ZNF75D: variants seen among roughly 807,000 people sequenced by gnomAD.
ZNF75D encodes the protein zinc finger protein 75D, also known as zinc finger protein 75.
Under a neutral mutation model 33.3 loss-of-function variants are expected in ZNF75D, and 33 were observed. That is an observed-to-expected ratio of 0.99 (90% CI 0.75 to 1.32). The LOEUF is 1.32. ZNF75D is among the 40% of genes most tolerant of loss of function. The pLI is 0.00. For synonymous variants in ZNF75D, 113 were observed against 130.6 expected, an observed-to-expected ratio of 0.87 and a Z score of 0.92; for missense variants, 338 against 367.5, an observed-to-expected ratio of 0.92 and a Z score of 0.66.
chrX:135,313,617 G>T (rs2084386405), intron 1 of ZNF75D, among the ~76,000 whole-genome samples: 1 of 111,871 alleles, frequency 8.9e-6, no homozygotes, highest in South Asian at 3.7e-4. Context: ...CATGAGCATG[G>T]AATGTCTTTC....
At chrX:135,258,338 A>G (rs1022455090) in intron 1 of ZNF75D, among the ~76,000 whole-genome samples, 2 of 110,330 alleles carry the variant, frequency 1.8e-5, no homozygotes. Flanking sequence ...GTCAAATGGT[A>G]ATTCTAGTTC....
rs1204089659 is a variant in ZNF75D at position 135,329,790 on chromosome X, A to G, written c.-391+11978T>C. Among the ~76,000 whole-genome samples, 3 of 112,539 alleles carry G rather than the reference A, an allele frequency of 2.7e-5. No individual in the cohort carries two copies. The East Asian group carries it at 8.3e-4, about 31-fold the overall frequency. On this transcript the variant is annotated intron_variant, in intron 1 of 6. Transcript: ENST00000370766. ...ATAATATATCCAGTTCACACTGGCCATCAGATATACCTGAATATGATTTTT... is the reference window on the plus strand; with the variant it reads ...ATAATATATCCAGTTCACACTGGCCGTCAGATATACCTGAATATGATTTTT...
At chrX:135,316,209 T>C (rs1192101584) in intron 1 of ZNF75D, among the ~76,000 whole-genome samples, 1 of 112,317 alleles carries the variant, frequency 8.9e-6, no homozygotes, top group Non-Finnish European at 1.9e-5. Flanking sequence ...CTAGTGATGA[T>C]GAATTCCCCC....
At chrX:135,291,689 T>G in intron 4 of ZNF75D, 126 bp from the exon 5 acceptor site, 1 of 986,029 alleles carries the variant, frequency 1.0e-6, no homozygotes, top group South Asian at 2.6e-5. Context: ...AGTGTGTGTG[T>G]GGTGCCAAGA....
chrX:135,259,796 G>A (rs782809690), intron 1 of ZNF75D, among the ~76,000 whole-genome samples: 73 of 111,650 alleles, frequency 6.5e-4, no homozygotes, highest in Non-Finnish European at 1.3e-3. Flanking sequence ...TCCTTCTCTT[G>A]CCTGATTGTC....
At chrX:135,267,515 A>C (rs1464553679) in intron 1 of ZNF75D, among the ~76,000 whole-genome samples, 1 of 111,507 alleles carries the variant, frequency 9.0e-6, no homozygotes, top group Non-Finnish European at 1.9e-5. Flanking sequence ...AAAAATCTAG[A>C]AGAAATGAAT....
intron 1 of ZNF75D, among the ~76,000 whole-genome samples, chrX:135,338,803 A>G (rs984275376): frequency 1.8e-5 from 2 of 108,853 alleles, no homozygotes; most frequent in Middle Eastern, 4.8e-3. Flanking sequence ...GTGTAGATTT[A>G]AAGTCCAATA....
chrX:135,289,704 GA>G (rs1480079645), intron 6 of ZNF75D, among the ~76,000 whole-genome samples: 1 of 109,087 alleles, frequency 9.2e-6, no homozygotes, highest in Admixed American at 9.8e-5. Flanking sequence ...GTAAAATACA[GA>G]CTTAATTTGT....
At chrX:135,261,091 A>T (rs1265185035) in intron 1 of ZNF75D, among the ~76,000 whole-genome samples, 1 of 112,097 alleles carries the variant, frequency 8.9e-6, no homozygotes, top group African/African-American at 3.3e-5. Context: ...TTCAGTTTCC[A>T]TGTAGTTGTG....
chrX:135,335,843 C>T (rs1340388407), intron 1 of ZNF75D, among the ~76,000 whole-genome samples: 1 of 111,992 alleles, frequency 8.9e-6, no homozygotes, highest in Non-Finnish European at 1.9e-5. Flanking sequence ...TGAAATCTCA[C>T]ACCTGGCCCC....
At position 135,258,545 on chromosome X, in the gene ZNF75D, A is replaced by C. The variant is rs1009654482; in HGVS notation, n.828-2768T>G. Among the ~76,000 whole-genome samples the C allele has an allele frequency of 9.0e-5, 10 of 111,492 alleles. No individual in the cohort carries two copies. In the South Asian group the frequency reaches 1.1e-3, roughly 13 times the overall value. The stretch of plus-strand genomic sequence containing the variant: ...TTGATTTGCATTTCTCTGATGACCA[A>C]TGATGAGGAGCTTTTTTTCATGTCC... On this transcript the variant is annotated intron_variant and non_coding_transcript_variant, in intron 1 of 3. Transcript: ENST00000494295.
intron 1 of ZNF75D, among the ~76,000 whole-genome samples, chrX:135,280,001 G>T (rs782422514): frequency 9.0e-6 from 1 of 111,132 alleles, no homozygotes; most frequent in Non-Finnish European, 1.9e-5. Context: ...TATTAGGTCT[G>T]CTTGGTCCAG....
chrX:135,321,267 A>G (rs1264373885), intron 1 of ZNF75D, among the ~76,000 whole-genome samples: 3 of 112,211 alleles, frequency 2.7e-5, no homozygotes, highest in African/African-American at 9.7e-5. Context: ...CCCAAAGGCC[A>G]CACCACCCAG....
At chrX:135,275,437 A>ACTTAAAGTTATTATTTTGTCT (rs2083896167) in intron 1 of ZNF75D, among the ~76,000 whole-genome samples, 1 of 111,441 alleles carries the variant, frequency 9.0e-6, no homozygotes, top group Non-Finnish European at 1.9e-5. Context: ...ATATTGGTGA[A>ACTTAAAGTTATTATTTTGTCT]CTTAAAGTTA....
At chrX:135,274,964 C>A (rs1415040805) in intron 1 of ZNF75D, among the ~76,000 whole-genome samples, 2 of 111,539 alleles carry the variant, frequency 1.8e-5, no homozygotes, top group African/African-American at 6.5e-5. Context: ...ATTCTGCTTA[C>A]AAAATGTGCC....
intron 1 of ZNF75D, among the ~76,000 whole-genome samples, chrX:135,264,296 G>A (rs1332777697): frequency 1.8e-5 from 2 of 111,137 alleles, no homozygotes; most frequent in Admixed American, 1.9e-4. Flanking sequence ...GGCAAAATCC[G>A]CCCCCATGAT....
chrX:135,309,125 A>G (rs187889771), intron 1 of ZNF75D, among the ~76,000 whole-genome samples: 1 of 112,074 alleles, frequency 8.9e-6, no homozygotes, highest in African/African-American at 3.2e-5. Context: ...AAACAGCAAC[A>G]TAGAATTGAG....
At chrX:135,256,765 A>C (rs2083802966) in intron 1 of ZNF75D, among the ~76,000 whole-genome samples, 1 of 111,644 alleles carries the variant, frequency 9.0e-6, no homozygotes, top group Non-Finnish European at 1.9e-5. Context: ...AGAGTGAATA[A>C]AGGTAGTCCT....
At chrX:135,326,213 T>G (rs2084572382) in intron 1 of ZNF75D, among the ~76,000 whole-genome samples, 1 of 109,600 alleles carries the variant, frequency 9.1e-6, no homozygotes, top group Admixed American at 9.6e-5. Flanking sequence ...TGGTGGGGCC[T>G]TGGAGAACCT....
Sources: gnomAD v4.1 joint callset for allele counts (sites outside exome capture counted in the v4.1 genomes callset) on GRCh38, gnomAD v4.1.1 for gene constraint, MANE v1.5 for transcripts, NCBI Gene and HGNC (gene_info 2026-07-23, HGNC 2026-07-21) for gene names.